Variants in CARNS1 observed in about 807,000 individuals in gnomAD.
CARNS1 encodes the protein ATP-grasp domain containing 1.
In CARNS1, 61 loss-of-function variants were observed where a neutral mutation model predicts 74.0. The observed-to-expected ratio is 0.82, with a 90% CI of 0.67 to 1.02. The LOEUF is 1.02. CARNS1 is among the 50% of genes least tolerant of loss of function. CARNS1 has a pLI of 0.00. For missense variants in CARNS1, 1,278 were observed against 1,308.4 expected (o/e 0.98, Z 0.36); for synonymous variants, 568 against 605.5 (o/e 0.94, Z 0.91).
intron 1 of CARNS1, 117 bp downstream of exon 1, chr11:67,415,880 G>GCC (rs1200803587): frequency 4.2e-6 from 1 of 236,582 alleles, no homozygotes; most frequent in Admixed American, 5.8e-5. Flanking sequence ...TCGACGCTAC[G>GCC]CCCCCCACCC....
At position 67,423,325 on chromosome 11, in the gene CARNS1, G is replaced by C; in HGVS notation, c.1627-50G>C. 1 of 1,559,648 alleles carries C rather than the reference G, an allele frequency of 6.4e-7. No homozygotes were observed. The highest frequency in any genetic ancestry group is 1.7e-4 in the Middle Eastern group (1 of 5,792). On this transcript the variant is annotated intron_variant, in intron 9 of 9. Transcript: ENST00000687366. This position sits in a 1 kb window ranked among gnomAD's most constrained non-coding sequence, Gnocchi z 5.1. ...TCCTAGGCCCCATCCTATCCCCCTA[G>C]CACCCAGTACTAGCTGACCTGGATA...
chr11:67,415,916 C>T (rs1863534743), intron 1 of CARNS1, among the ~76,000 whole-genome samples, 153 bp downstream of exon 1: 3 of 151,956 alleles, frequency 2.0e-5, no homozygotes, highest in Admixed American at 6.5e-5. Flanking sequence ...CCCAACTCCC[C>T]CCCGCGCTGG....
At position 67,419,119 on chromosome 11, in the gene CARNS1, G is replaced by T; in HGVS notation, c.728G>T (p.Arg243Leu). The change falls in exon 5 of 10, where the codon CGG becomes CTG. Residue 243 changes from arginine to leucine, a missense_variant. By Grantham distance (102) the Arg-to-Leu change is moderately radical. Around this residue, in one of 3 missense-constraint regions of CARNS1, gnomAD observed 1,164 missense variants for 1,156.5 expected, o/e 1.01. Transcript: ENST00000687366. Reference sequence around the variant, plus strand: ...ACCTACAAGCCGCCGGGGCTGCTGCGGGGAGGGGATGCCAGCCTAGGGCTA... The same window carrying T: ...ACCTACAAGCCGCCGGGGCTGCTGCTGGGAGGGGATGCCAGCCTAGGGCTA... Reference protein sequence around the residue: ...AFTYKPPGLLRGGDASLGLRL... With the variant: ...AFTYKPPGLLLGGDASLGLRL... 6.4e-7 allele frequency: 1 copy of T among 1,574,256 alleles called. No individual in the cohort carries two copies. The highest frequency in any genetic ancestry group is 2.3e-5 in the East Asian group (1 of 43,144).
chr11:67,423,486 G>C lies in CARNS1; in HGVS notation c.1738G>C (p.Ala580Pro), dbSNP rs760955332. Reference sequence around the variant, plus strand: ...GGATGAGGAGAACGCACGGCTGCTGGCAGAGTTGGTGCGGGCTCGCGGCCT... The same window carrying C: ...GGATGAGGAGAACGCACGGCTGCTGCCAGAGTTGGTGCGGGCTCGCGGCCT... ...RRDEENARLL[A>P]ELVRARGLKL... is the part of the protein sequence containing the mutation. The change falls in exon 10 of 10, where the codon GCA becomes CCA. Residue 580 changes from alanine to proline, a missense_variant. Around this residue, in one of 3 missense-constraint regions of CARNS1, gnomAD observed 1,164 missense variants for 1,156.5 expected, o/e 1.01. Transcript: ENST00000687366. This position sits in a 1 kb window ranked among gnomAD's most constrained non-coding sequence, Gnocchi z 5.1. 5 of 1,613,920 alleles carry C rather than the reference G, an allele frequency of 3.1e-6. No homozygotes were observed. The highest frequency in any genetic ancestry group is 4.2e-6 in the Non-Finnish European group (5 of 1,179,900).
chr11:67,416,066 G>A, intron 1 of CARNS1, 110 bp from the exon 2 acceptor site: 1 of 724,250 alleles, frequency 1.4e-6, no homozygotes, highest in South Asian at 1.5e-5. Context: ...TCTCTGCAGG[G>A]ACAGGTGTCG....
chr11:67,417,188 C>A (rs1213579306), intron 2 of CARNS1: 6 of 1,225,088 alleles, frequency 4.9e-6, no homozygotes, highest in South Asian at 4.3e-5. Context: ...TGCCCTCCCC[C>A]CAGGGGCACC....
rs1371489620 is a variant in CARNS1 at position 67,423,460 on chromosome 11, G to A, written c.1712G>A (p.Arg571Lys). 1.2e-5 allele frequency: 20 copies of A among 1,613,934 alleles called. No individual in the cohort carries two copies. Among genetic ancestry groups the A allele is most frequent in the Non-Finnish European group, 1.7e-5 (20 of 1,179,900 alleles). Residue 571 changes from arginine (R) to lysine (K), a missense_variant, in exon 10 of 10, where the codon AGG becomes AAG. By Grantham distance (26) the Arg-to-Lys change is conservative (BLOSUM62 2). This residue lies in a region of CARNS1 where 1,164 missense variants were observed against 1,156.5 expected (regional missense o/e 1.01). Coordinates refer to ENST00000687366, the MANE Select transcript of CARNS1 (RefSeq NM_001166222.2). This position sits in a 1 kb window ranked among gnomAD's most constrained non-coding sequence, Gnocchi z 5.1. ...FIHFDMTEHR[R>K]DEENARLLAE... is the part of the protein sequence containing the mutation. ...CACTTTGACATGACAGAGCACCGGA[G>A]GGATGAGGAGAACGCACGGCTGCTG... is the stretch of plus-strand genomic sequence containing the variant.
chr11:67,423,618 G>T lies in CARNS1; in HGVS notation c.1870G>T (p.Ala624Ser). The stretch of plus-strand genomic sequence containing the variant: ...CAGCTCCCCAGCTGCCATGCGCCTG[G>T]CTAAGCAGAAGAGCCTCACCCAGCT... The part of the protein sequence containing the change: ...PCSSPAAMRL[A>S]KQKSLTQLHL... Residue 624 changes from alanine (A) to serine (S), a missense_variant, in exon 10 of 10, where the codon GCT becomes TCT. Physicochemically the swap from Ala to Ser is moderately conservative, Grantham distance 99. This residue lies in a region of CARNS1 where 1,164 missense variants were observed against 1,156.5 expected (regional missense o/e 1.01). Coordinates refer to ENST00000687366, the MANE Select transcript of CARNS1 (RefSeq NM_001166222.2). The surrounding 1 kb of genome is among the most constrained non-coding windows in gnomAD (Gnocchi z 5.1). 6.2e-7 allele frequency: 1 copy of T among 1,609,810 alleles called. No homozygotes were observed. The highest frequency in any genetic ancestry group is 8.5e-7 in the Non-Finnish European group (1 of 1,178,646).
rs1320951415 is a variant in CARNS1 at position 67,417,487 on chromosome 11, G to A, written c.84G>A (p.Gly28=). The change falls in exon 3 of 10, where the codon GGG becomes GGA. Residue 28 remains glycine (G), a synonymous_variant. Coordinates refer to ENST00000687366, the MANE Select transcript of CARNS1 (RefSeq NM_001166222.2). ...KDLEEEGPWG[G]GSGLPPTGCF... ...TGGAGGAAGAGGGCCCCTGGGGAGG[G>A]GGCTCTGGCCTGCCGCCCACAGGCT... is the stretch of plus-strand genomic sequence containing the variant. The A allele has an allele frequency of 6.9e-7, 1 of 1,448,722 alleles. No homozygotes were observed. The highest frequency in any genetic ancestry group is 9.1e-7 in the Non-Finnish European group (1 of 1,103,462). The allele number at this position is 1,448,722 out of a possible 1,614,324, so 89.7% of individuals were successfully genotyped here.
At chr11:67,421,686 T>A (rs1318386275) in intron 9 of CARNS1, among the ~76,000 whole-genome samples, 1 of 152,144 alleles carries the variant, frequency 6.6e-6, no homozygotes. Context: ...TAGCAGGGCA[T>A]CACTTTACAG....
rs1034383010 is a variant in CARNS1 at position 67,424,518 on chromosome 11, C to A, written c.2770C>A (p.Leu924Ile). ...CGGACCCAGCCCCACCGAGGCCCGT[C>A]TCCGCCTGCTGGGCCTCTGCCAGGG... The part of the protein sequence containing the change: ...CAGPSPTEAR[L>I]RLLGLCQGLG... Residue 924 changes from leucine (L) to isoleucine (I), a missense_variant, in exon 10 of 10, where the codon CTC (leucine) becomes ATC (isoleucine). Leu to Ile is a conservative substitution (Grantham distance 5). Around this residue, in one of 3 missense-constraint regions of CARNS1, gnomAD observed 1,164 missense variants for 1,156.5 expected, o/e 1.01. Coordinates refer to ENST00000687366, the MANE Select transcript of CARNS1 (RefSeq NM_001166222.2). The A allele has an allele frequency of 9.4e-6, 15 of 1,595,464 alleles. No homozygotes were observed. The African/African-American group carries it at 2.0e-4, about 21-fold the overall frequency.
intron 9 of CARNS1, among the ~76,000 whole-genome samples, chr11:67,422,740 T>C (rs764579774): frequency 6.6e-6 from 1 of 152,186 alleles, no homozygotes; most frequent in Admixed American, 6.5e-5. Flanking sequence ...GCACCCCCTG[T>C]GGACACCACC....
At chr11:67,417,766 C>A in intron 3 of CARNS1, 89 bp downstream of exon 3, 6 of 969,390 alleles carry the variant, frequency 6.2e-6, no homozygotes, top group South Asian at 5.0e-5. Flanking sequence ...TCAAGGTCGG[C>A]CCCTTCCCCT....
At position 67,417,491 on chromosome 11, in the gene CARNS1, T is replaced by C. The variant is rs1312035593; in HGVS notation, c.88T>C (p.Ser30Pro). The C allele has an allele frequency of 9.0e-6, 13 of 1,447,054 alleles. No homozygotes were observed. In the South Asian group the frequency reaches 1.7e-4, roughly 19 times the overall value. The allele number at this position is 1,447,054 out of a possible 1,614,324, so 89.6% of individuals were successfully genotyped here. ...LEEEGPWGGGSGLPPTGCFPG... is the reference protein window; with the variant it reads ...LEEEGPWGGGPGLPPTGCFPG... ...GGAAGAGGGCCCCTGGGGAGGGGGCTCTGGCCTGCCGCCCACAGGCTGCTT... is the reference window on the plus strand; with the variant it reads ...GGAAGAGGGCCCCTGGGGAGGGGGCCCTGGCCTGCCGCCCACAGGCTGCTT... The change falls in exon 3 of 10, where the codon TCT (serine) becomes CCT (proline). Residue 30 changes from serine (S) to proline (P), a missense_variant. Ser to Pro is a moderately conservative substitution (Grantham distance 74). Coordinates refer to ENST00000687366, the MANE Select transcript of CARNS1 (RefSeq NM_001166222.2).
At position 67,418,459 on chromosome 11, in the gene CARNS1, C is replaced by CG. The variant is rs1392191210; in HGVS notation, c.304dup (p.Val102GlyfsTer43). ...GTCCTGGGGCGGAGGTGACCTTGTG[C>CG]GTTCTGGGCTCCCCCAGCACCTTTC... On this transcript the variant is annotated frameshift_variant, in exon 4 of 10. Transcript: ENST00000687366. LOFTEE classifies it high-confidence loss of function. The CG allele has an allele frequency of 6.8e-7, 1 of 1,467,156 alleles. No individual in the cohort carries two copies. The highest frequency in any genetic ancestry group is 9.0e-7 in the Non-Finnish European group (1 of 1,112,972). The allele number at this position is 1,467,156 out of a possible 1,614,324, so 90.9% of individuals were successfully genotyped here.
At chr11:67,416,437 GA>G in intron 2 of CARNS1, 2 of 1,372,754 alleles carry the variant, frequency 1.5e-6, no homozygotes, top group Non-Finnish European at 1.9e-6. Flanking sequence ...CACCTTCTAG[GA>G]GACGGCACAG....
rs1863681773 is a variant in CARNS1 at position 67,421,005 on chromosome 11, GC to G, written c.1414del (p.Leu472CysfsTer95). On this transcript the variant is annotated frameshift_variant, in exon 9 of 10. Coordinates refer to ENST00000687366, the MANE Select transcript of CARNS1 (RefSeq NM_001166222.2). LOFTEE classifies it high-confidence loss of function. ...CCAGTGGCCCTGGAGCTGAACGGCG[GC>G]CTGTGTCTGGAGGCGTGCGGCGCGC... ...LTPVALELNG[G>X]LCLEACGALE... 4.2e-6 allele frequency: 6 copies of G among 1,416,858 alleles called. No individual in the cohort carries two copies. Among genetic ancestry groups the G allele is most frequent in the Non-Finnish European group, 4.6e-6 (5 of 1,088,948 alleles). 87.8% of individuals were successfully genotyped at this position (1,416,858 alleles called of 1,614,324 possible). A position where few individuals can be genotyped will look rare whatever the true frequency, so the allele number is the denominator to read the frequency against.
chr11:67,421,322 G>C (rs1203803156), intron 9 of CARNS1, 103 bp downstream of exon 9: 2 of 1,244,178 alleles, frequency 1.6e-6, no homozygotes, highest in African/African-American at 3.2e-5. Flanking sequence ...CTTGGGGCGG[G>C]ACCAGCCGCG....
Position 67,423,969 on chromosome 11 carries a change from G to A in CARNS1, c.2221G>A (p.Gly741Ser). Reference protein sequence around the residue: ...TEHDVDLVLFGGRLLAAFVSD... With the variant: ...TEHDVDLVLFSGRLLAAFVSD... Reference sequence around the variant, plus strand: ...GCACGACGTGGACCTGGTGTTGTTTGGTGGGCGGTTGCTGGCTGCCTTTGT... The same window carrying A: ...GCACGACGTGGACCTGGTGTTGTTTAGTGGGCGGTTGCTGGCTGCCTTTGT... Residue 741 changes from glycine (G) to serine (S), a missense_variant, in exon 10 of 10, where the codon GGT (glycine) becomes AGT (serine). This residue lies in a region of CARNS1 where 1,164 missense variants were observed against 1,156.5 expected (regional missense o/e 1.01). Coordinates refer to ENST00000687366, the MANE Select transcript of CARNS1 (RefSeq NM_001166222.2). This position sits in a 1 kb window ranked among gnomAD's most constrained non-coding sequence, Gnocchi z 5.1. 6.2e-7 allele frequency: 1 copy of A among 1,613,532 alleles called. No individual in the cohort carries two copies. Among genetic ancestry groups the A allele is most frequent in the Non-Finnish European group, 8.5e-7 (1 of 1,179,834 alleles).
Sources: allele counts gnomAD v4.1 joint callset (sites outside exome capture counted in the v4.1 genomes callset), GRCh38; gene constraint gnomAD v4.1.1; regional missense constraint gnomAD v4.1.1; non-coding constraint Gnocchi (gnomAD v3.1); transcripts MANE v1.5; gene names NCBI Gene and HGNC (gene_info 2026-07-23, HGNC 2026-07-21).